Variants in ZBTB7C observed in about 807,000 individuals in gnomAD.
ZBTB7C encodes zinc finger and BTB domain containing 7C, also known as zinc finger and BTB domain-containing protein 7C.
In ZBTB7C, 8 loss-of-function variants were observed where a neutral mutation model predicts 25.7. That is an observed-to-expected ratio of 0.31 (90% CI 0.18 to 0.56). ZBTB7C has a LOEUF of 0.56. Ranked by LOEUF, ZBTB7C falls within the 20% of genes least tolerant of loss-of-function variation. The pLI is 0.91. For missense variants in ZBTB7C, 824 were observed against 855.2 expected, an observed-to-expected ratio of 0.96 and a Z score of 0.46; for synonymous variants, 394 against 369.0, an observed-to-expected ratio of 1.07 and a Z score of -0.78.
chr18:48,190,113 C>A (rs2042157826), intron 2 of ZBTB7C, among the ~76,000 whole-genome samples: 1 of 152,162 alleles, frequency 6.6e-6, no homozygotes, highest in Non-Finnish European at 1.5e-5. Flanking sequence ...CTTCTCTCTG[C>A]CTTGGGTGCG....
chr18:48,095,805 C>A (rs2038603457), intron 3 of ZBTB7C, among the ~76,000 whole-genome samples: 1 of 152,138 alleles, frequency 6.6e-6, no homozygotes, highest in Non-Finnish European at 1.5e-5. Flanking sequence ...TCTCCTGTAA[C>A]CCACGGCTGA....
At chr18:48,188,660 C>A (rs190363172) in intron 2 of ZBTB7C, among the ~76,000 whole-genome samples, 2 of 152,156 alleles carry the variant, frequency 1.3e-5, no homozygotes, top group Non-Finnish European at 2.9e-5. Context: ...TTCTCCTATT[C>A]CCACCTCTTG....
chr18:48,228,996 C>G (rs552202677), intron 2 of ZBTB7C, among the ~76,000 whole-genome samples: 1 of 152,104 alleles, frequency 6.6e-6, no homozygotes, highest in African/African-American at 2.4e-5. Context: ...AACATAAGCA[C>G]GGCAGGATTG....
intron 1 of ZBTB7C, among the ~76,000 whole-genome samples, chr18:48,359,462 G>C (rs1343616620): frequency 1.3e-5 from 2 of 152,274 alleles, no homozygotes; most frequent in East Asian, 3.9e-4. Flanking sequence ...AGTTTTTATA[G>C]TAATGGCAAC....
At chr18:48,233,480 T>TA (rs2043305308) in intron 2 of ZBTB7C, among the ~76,000 whole-genome samples, 1 of 152,226 alleles carries the variant, frequency 6.6e-6, no homozygotes, top group Non-Finnish European at 1.5e-5. Context: ...AGAGCATACA[T>TA]AACAGTGGAT....
chr18:48,032,795 C>T (rs1598743899), intron 4 of ZBTB7C, among the ~76,000 whole-genome samples: 1 of 152,060 alleles, frequency 6.6e-6, no homozygotes, highest in East Asian at 1.9e-4. Flanking sequence ...CTTAGGGTCA[C>T]TCTCAAACAA....
At chr18:48,032,627 A>G (rs2035812529) in intron 4 of ZBTB7C, among the ~76,000 whole-genome samples, 1 of 149,088 alleles carries the variant, frequency 6.7e-6, no homozygotes, top group Non-Finnish European at 1.5e-5. Flanking sequence ...TAATAGAGAC[A>G]GGGTTTCACC....
chr18:48,047,313 A>T (rs995465101), intron 3 of ZBTB7C, among the ~76,000 whole-genome samples: 5 of 151,996 alleles, frequency 3.3e-5, no homozygotes, highest in Admixed American at 2.6e-4. Context: ...GTCTCCAAGA[A>T]TAACATGCAC....
chr18:48,190,572 T>C (rs2042169189), intron 2 of ZBTB7C, among the ~76,000 whole-genome samples: 1 of 152,200 alleles, frequency 6.6e-6, no homozygotes, highest in Admixed American at 6.5e-5. Flanking sequence ...TCTACCTATA[T>C]GACTTGTGAG....
At chr18:48,208,604 T>C (rs977999233) in intron 2 of ZBTB7C, among the ~76,000 whole-genome samples, 48 of 152,204 alleles carry the variant, frequency 3.2e-4, no homozygotes, top group African/African-American at 1.1e-3. Flanking sequence ...CTCCTTAAGA[T>C]TTCCACCCAC....
chr18:48,351,912 G>C (rs1314326414), intron 1 of ZBTB7C, among the ~76,000 whole-genome samples: 7 of 152,124 alleles, frequency 4.6e-5, no homozygotes, highest in Admixed American at 2.0e-4. Context: ...CAGACAGAGG[G>C]GAGTGCTAAG....
chr18:48,377,588 C>T (rs2047548382), intron 1 of ZBTB7C, among the ~76,000 whole-genome samples: 1 of 152,264 alleles, frequency 6.6e-6, no homozygotes, highest in Non-Finnish European at 1.5e-5. Context: ...TTTGCAACTA[C>T]TTTTACTTCC....
At chr18:48,140,628 C>T (rs1003404354) in intron 3 of ZBTB7C, among the ~76,000 whole-genome samples, 1 of 152,140 alleles carries the variant, frequency 6.6e-6, no homozygotes, top group Non-Finnish European at 1.5e-5. Context: ...AATGACTCTT[C>T]CTGAACCCAA....
rs2039612657 is a variant in ZBTB7C, at chr18:48,121,076, C to T, written c.-17+64858G>A. On this transcript the variant is annotated intron_variant, in intron 3 of 4. Coordinates refer to ENST00000590800, the MANE Select transcript of ZBTB7C (RefSeq NM_001318841.2). ...AAGCAGCCACTTCTCACACCTACTC[C>T]TGCGCTCCCTGCAGAGCCATGCCCA... 3.3e-5 allele frequency among the ~76,000 whole-genome samples: 5 copies of T among 152,244 alleles called. No individual in the cohort carries two copies. The South Asian group carries it at 1.0e-3, about 31-fold the overall frequency.
rs1361459290 is a variant in ZBTB7C, at chr18:48,029,908, C to T, written c.1212G>A (p.Gln404=). ...TCCGCATGTGGATTTTCAGCTTGTC[C>T]TGCCTGCAATGCAGAGACTGGGGGT... The part of the protein sequence containing the change: ...CTICEVRFTR[Q]DKLKIHMRKH... Residue 404 remains glutamine (Q), a synonymous_variant, in exon 5 of 5, where the codon CAG becomes CAA. Transcript: ENST00000590800. 1.2e-6 allele frequency: 2 copies of T among 1,611,034 alleles called. No individual in the cohort carries two copies. The highest frequency in any genetic ancestry group is 1.7e-6 in the Non-Finnish European group (2 of 1,179,988).
intron 3 of ZBTB7C, among the ~76,000 whole-genome samples, chr18:48,119,038 T>C (rs1440782376): frequency 6.6e-6 from 1 of 152,182 alleles, no homozygotes; most frequent in Non-Finnish European, 1.5e-5. Context: ...AACTTCAGTG[T>C]TCATCAGAAT....
At chr18:48,264,724 T>C (rs2044262845) in intron 2 of ZBTB7C, among the ~76,000 whole-genome samples, 1 of 152,130 alleles carries the variant, frequency 6.6e-6, no homozygotes, top group Non-Finnish European at 1.5e-5. Flanking sequence ...ACATGGGGAA[T>C]GGTGACTAAC....
chr18:48,384,402 T>C (rs779933757), intron 1 of ZBTB7C, among the ~76,000 whole-genome samples: 4 of 152,192 alleles, frequency 2.6e-5, no homozygotes, highest in Admixed American at 6.5e-5. Flanking sequence ...TGAAGCTATA[T>C]AGAGGCAGGA....
At chr18:48,114,304 G>A (rs531531048) in intron 3 of ZBTB7C, among the ~76,000 whole-genome samples, 4 of 152,220 alleles carry the variant, frequency 2.6e-5, no homozygotes, top group South Asian at 2.1e-4. Context: ...CAGGAGACAC[G>A]TAAAAGAATG....
Sources: allele counts gnomAD v4.1 joint callset (sites outside exome capture counted in the v4.1 genomes callset), GRCh38; gene constraint gnomAD v4.1.1; transcripts MANE v1.5; gene names NCBI Gene and HGNC (gene_info 2026-07-23, HGNC 2026-07-21).